Variants in MAPK13 observed in about 807,000 individuals in gnomAD.
The protein encoded by MAPK13 is mitogen-activated protein kinase 13.
A neutral mutation model predicts 53.5 loss-of-function variants in MAPK13; 39 were observed. The observed-to-expected ratio is 0.73, with a 90% CI of 0.56 to 0.95. The LOEUF (loss-of-function observed/expected upper bound fraction) is 0.95, where lower values mean the gene tolerates loss of function less well. Ranked by LOEUF, MAPK13 falls within the 40% of genes least tolerant of loss-of-function variation. The pLI is 0.00. For synonymous variants in MAPK13, 179 were observed against 190.9 expected (o/e 0.94, Z 0.51); for missense variants, 460 against 471.8 (o/e 0.98, Z 0.23).
Position 36,136,937 on chromosome 6 carries a change from C to G in MAPK13, c.669C>G (p.Phe223Leu). ...AGATGCTGACAGGGAAAACTCTGTTCAAGGGGAAAGATTGTATCCTTTGCT... is the reference window on the plus strand; with the variant it reads ...AGATGCTGACAGGGAAAACTCTGTTGAAGGGGAAAGATTGTATCCTTTGCT... ...MAEMLTGKTL[F>L]KGKDYLDQLT... The change falls in exon 8 of 12, where the codon TTC (phenylalanine) becomes TTG (leucine). Residue 223 changes from phenylalanine (F) to leucine (L), a missense_variant. By Grantham distance (22) the Phe-to-Leu change is conservative (BLOSUM62 0). Coordinates refer to ENST00000211287, the MANE Select transcript of MAPK13 (RefSeq NM_002754.5). The G allele has an allele frequency of 6.2e-7, 1 of 1,614,136 alleles. No homozygotes were observed. Among genetic ancestry groups the G allele is most frequent in the Non-Finnish European group, 8.5e-7 (1 of 1,179,972 alleles).
At chr6:36,136,995 C>A in intron 8 of MAPK13, 45 bp downstream of exon 8, 1 of 1,496,542 alleles carries the variant, frequency 6.7e-7, no homozygotes, top group Non-Finnish European at 9.3e-7. Flanking sequence ...GGATTCCTTC[C>A]TTCAACAGAC....
intron 3 of MAPK13, among the ~76,000 whole-genome samples, chr6:36,134,442 G>A (rs368977803): frequency 1.6e-4 from 24 of 152,314 alleles, no homozygotes; most frequent in Middle Eastern, 3.4e-3. Flanking sequence ...GCCCAGACTG[G>A]AGTGCAGTGG....
chr6:36,136,784 G>A lies in MAPK13; in HGVS notation c.610+14G>A. On this transcript the variant is annotated intron_variant, in intron 7 of 11. Transcript: ENST00000211287. ...ACAACCAGACAGGTCAGTGGTCAAT[G>A]CCTGAGAGGGCGGTCCTGGGGCCAT... 6.2e-7 allele frequency: 1 copy of A among 1,613,492 alleles called. No individual in the cohort carries two copies. Among genetic ancestry groups the A allele is most frequent in the Non-Finnish European group, 8.5e-7 (1 of 1,179,452 alleles).
Position 36,139,382 on chromosome 6 carries a change from C to G in MAPK13, c.*9C>G, listed in dbSNP as rs1168142952. The G allele has an allele frequency of 3.1e-6, 5 of 1,613,422 alleles. No homozygotes were observed. The highest frequency in any genetic ancestry group is 4.2e-6 in the Non-Finnish European group (5 of 1,179,410). ...GTGGCATGAAGCTGTAGGGACTCAT[C>G]TTGCATGGCACCGCCGGCCAGACAC... On this transcript the variant is annotated 3_prime_UTR_variant, in exon 12 of 12. Coordinates refer to ENST00000211287, the MANE Select transcript of MAPK13 (RefSeq NM_002754.5).
intron 8 of MAPK13, among the ~76,000 whole-genome samples, chr6:36,137,632 A>G (rs1319754918): frequency 6.7e-6 from 1 of 149,212 alleles, no homozygotes; most frequent in East Asian, 1.9e-4. Context: ...CCTGGGTGAC[A>G]GAGGGAGACC....
In MAPK13 at chr6:36,138,768, G is replaced by T. The variant is rs756019824; in HGVS notation, c.829G>T (p.Ala277Ser). Residue 277 changes from alanine to serine, a missense_variant, in exon 10 of 12, where the codon GCC (alanine) becomes TCC (serine). Transcript: ENST00000211287. Reference sequence around the variant, plus strand: ...GGATTTCACTCAGCTGTTCCCACGGGCCAGCCCCCAGGGTGAGTCTCAGAG... The same window carrying T: ...GGATTTCACTCAGCTGTTCCCACGGTCCAGCCCCCAGGGTGAGTCTCAGAG... ...RKDFTQLFPR[A>S]SPQAADLLEK... The T allele has an allele frequency of 6.2e-7, 1 of 1,614,132 alleles. No individual in the cohort carries two copies. The highest frequency in any genetic ancestry group is 1.1e-5 in the South Asian group (1 of 91,086).
intron 3 of MAPK13, among the ~76,000 whole-genome samples, chr6:36,134,049 A>C (rs531260818): frequency 2.6e-5 from 4 of 152,232 alleles, no homozygotes; most frequent in South Asian, 2.1e-4. Context: ...AGTGGGATCC[A>C]GGAGTGTGGA....
Position 36,130,708 on chromosome 6 carries a change from C to G in MAPK13, c.119+7C>G. 1 of 1,303,366 alleles carries G rather than the reference C, an allele frequency of 7.7e-7. No individual in the cohort carries two copies. Among genetic ancestry groups the G allele is most frequent in the Non-Finnish European group, 1.0e-6 (1 of 958,142 alleles). The allele number at this position is 1,303,366 out of a possible 1,614,324, so 80.7% of individuals were successfully genotyped here. ...GGGCCTATGGCTCCGTGTGGTGAGA[C>G]CCCTGGGCCGCTGGGGGGCGGGGGG... is the stretch of plus-strand genomic sequence containing the variant. On this transcript the variant is annotated splice_region_variant and intron_variant, in intron 1 of 11. Coordinates refer to ENST00000211287, the MANE Select transcript of MAPK13 (RefSeq NM_002754.5). The surrounding 1 kb of genome is among the most constrained non-coding windows in gnomAD (Gnocchi z 4.5).
At chr6:36,132,381 C>T (rs1317979759) in intron 2 of MAPK13, among the ~76,000 whole-genome samples, 1 of 152,260 alleles carries the variant, frequency 6.6e-6, no homozygotes, top group Non-Finnish European at 1.5e-5. Flanking sequence ...TCATTCTCCC[C>T]ACCTTCCCTT....
Position 36,139,549 on chromosome 6 carries a change from A to T in MAPK13, c.*176A>T, listed in dbSNP as rs1281733139. 1 of 600,380 alleles carries T rather than the reference A, an allele frequency of 1.7e-6. No homozygotes were observed. The highest frequency in any genetic ancestry group is 1.9e-5 in the African/African-American group (1 of 53,834). 37.2% of individuals were successfully genotyped at this position (600,380 alleles called of 1,614,324 possible). ...AATTCAAAGATGTCGGTTGGGAGAA[A>T]CTAGCTCTGATCCTAACAGGCCACG... is the stretch of plus-strand genomic sequence containing the variant. On this transcript the variant is annotated 3_prime_UTR_variant, in exon 12 of 12. Transcript: ENST00000211287.
intron 9 of MAPK13, 91 bp downstream of exon 9, chr6:36,138,535 A>C: frequency 7.3e-7 from 1 of 1,364,318 alleles, no homozygotes; most frequent in Non-Finnish European, 1.0e-6. Flanking sequence ...AAGAAGGCTC[A>C]CCAGCACCTT....
chr6:36,137,138 G>A (rs889264385), intron 8 of MAPK13, among the ~76,000 whole-genome samples, 188 bp downstream of exon 8: 11 of 152,174 alleles, frequency 7.2e-5, no homozygotes, highest in African/African-American at 2.7e-4. Flanking sequence ...GGGAGGCTGA[G>A]GTGGAAGGAT....
Position 36,136,893 on chromosome 6 carries a change from G to C in MAPK13, c.625G>C (p.Val209Leu). The C allele has an allele frequency of 1.2e-6, 2 of 1,614,212 alleles. No individual in the cohort carries two copies. Among genetic ancestry groups the C allele is most frequent in the Non-Finnish European group, 1.7e-6 (2 of 1,180,012 alleles). ...HYNQTVDIWS[V>L]GCIMAEMLTG... is the part of the protein sequence containing the mutation. ...TCCCTCTGCAGTGGACATCTGGTCT[G>C]TGGGCTGTATCATGGCAGAGATGCT... The change falls in exon 8 of 12, where the codon GTG (valine) becomes CTG (leucine). Residue 209 changes from valine (V) to leucine (L), a missense_variant. Physicochemically the swap from Val to Leu is conservative, Grantham distance 32. Transcript: ENST00000211287.
rs1381489711 is a variant in MAPK13 at position 36,139,667 on chromosome 6, T to C, written c.*294T>C. 2.4e-6 allele frequency: 1 copy of C among 413,592 alleles called. No homozygotes were observed. Among genetic ancestry groups the C allele is most frequent in the Non-Finnish European group, 4.4e-6 (1 of 225,252 alleles). 25.6% of individuals were successfully genotyped at this position (413,592 alleles called of 1,614,324 possible). On this transcript the variant is annotated 3_prime_UTR_variant, in exon 12 of 12. Transcript: ENST00000211287. ...TGGGCGCTGAGCCAGGCCGGGGGCC[T>C]ATGGCAGTGATGCTGTGTTGGTTTC...
intron 2 of MAPK13, 67 bp downstream of exon 2, chr6:36,131,467 G>A: frequency 6.6e-7 from 1 of 1,506,402 alleles, no homozygotes; most frequent in Non-Finnish European, 9.0e-7. Flanking sequence ...GGCGCAGGCG[G>A]GGCCTCCCGG....
In MAPK13 at chr6:36,138,448, G is replaced by T. The variant is rs760787496; in HGVS notation, c.762+4G>T. On this transcript the variant is annotated splice_donor_region_variant and intron_variant, in intron 9 of 11. Transcript: ENST00000211287. ...GCAGAAGCTGAACGACAAAGCGGTG[G>T]GTGGTAAATGGGACCTAGGCTGGCC... The T allele has an allele frequency of 1.9e-6, 3 of 1,613,504 alleles. No individual in the cohort carries two copies. The highest frequency in any genetic ancestry group is 1.3e-5 in the African/African-American group (1 of 74,902).
intron 8 of MAPK13, among the ~76,000 whole-genome samples, chr6:36,137,649 C>CA (rs71540139): frequency 0.19 from 22,912 of 118,136 alleles, 2,627 homozygotes; most frequent in South Asian, 0.31. Context: ...GACCCTAACT[C>CA]AAAAAAAAAA....
intron 5 of MAPK13, 56 bp downstream of exon 5, chr6:36,136,104 G>A: frequency 6.2e-7 from 1 of 1,602,054 alleles, no homozygotes; most frequent in South Asian, 1.1e-5. Flanking sequence ...CCTGGGTATG[G>A]GGTTCTCTGG....
chr6:36,136,273 G>A (rs1766415251), intron 5 of MAPK13, among the ~76,000 whole-genome samples: 1 of 152,196 alleles, frequency 6.6e-6, no homozygotes, highest in South Asian at 2.1e-4. Flanking sequence ...TGAGCCCTGA[G>A]CTGAGTGTTT....
Sources: gnomAD v4.1 joint callset for allele counts (sites outside exome capture counted in the v4.1 genomes callset) on GRCh38, gnomAD v4.1.1 for gene constraint, Gnocchi (gnomAD v3.1) non-coding constraint, MANE v1.5 for transcripts, NCBI Gene and HGNC (gene_info 2026-07-23, HGNC 2026-07-21) for gene names.